The following CDT1 variants were observed in gnomAD, a reference collection of about 807,000 sequenced individuals.
The protein encoded by CDT1 is DNA replication factor Cdt1.
A neutral mutation model predicts 49.3 loss-of-function variants in CDT1; 66 were observed. That is an observed-to-expected ratio of 1.34 (90% CI 1.10 to 1.64). The LOEUF (loss-of-function observed/expected upper bound fraction) is 1.64, where lower values mean the gene tolerates loss of function less well. CDT1 is among the 40% of genes most tolerant of loss of function. The pLI, the probability that CDT1 is intolerant of heterozygous loss-of-function variation, is 0.00. For missense variants in CDT1, 958 were observed against 807.7 expected (o/e 1.19, Z -2.26); for synonymous variants, 424 against 347.4 (o/e 1.22, Z -2.45).
chr16:88,807,444 C>T lies in CDT1; in HGVS notation c.1439C>T (p.Ala480Val), dbSNP rs1475981587. The T allele has an allele frequency of 9.9e-6, 16 of 1,613,078 alleles. No homozygotes were observed. The highest frequency in any genetic ancestry group is 2.2e-5 in the East Asian group (1 of 44,896). Residue 480 changes from alanine (A) to valine (V), a missense_variant, in exon 9 of 10, where the codon GCC becomes GTC. Coordinates refer to ENST00000301019, the MANE Select transcript of CDT1 (RefSeq NM_030928.4). Reference sequence around the variant, plus strand: ...GCGCTCAGCATGGAGGTGGCCTGTGCCAGGATGGTGGGCAGCTGTTGTACT... The same window carrying T: ...GCGCTCAGCATGGAGGTGGCCTGTGTCAGGATGGTGGGCAGCTGTTGTACT... ...KPALSMEVACARMVGSCCTIM... is the reference protein window; with the variant it reads ...KPALSMEVACVRMVGSCCTIM...
rs1908954758 is a variant in CDT1 at position 88,808,392 on chromosome 16, G to C, written c.*114G>C. ...TGGCCTTCCTTTCCCCAGCGCCCCT[G>C]AGGGCCAGAGGCAGATGTGGGCTGC... On this transcript the variant is annotated 3_prime_UTR_variant, in exon 10 of 10. Transcript: ENST00000301019. 3.2e-6 allele frequency: 4 copies of C among 1,249,040 alleles called. No individual in the cohort carries two copies. The East Asian group carries it at 1.0e-4, about 32-fold the overall frequency. The allele number at this position is 1,249,040 out of a possible 1,614,324, so 77.4% of individuals were successfully genotyped here.
At position 88,805,743 on chromosome 16, in the gene CDT1, G is replaced by A. The variant is rs1190255475; in HGVS notation, c.706G>A (p.Val236Ile). The change falls in exon 5 of 10, where the codon GTT becomes ATT. Residue 236 changes from valine (V) to isoleucine (I), a missense_variant. Physicochemically the swap from Val to Ile is conservative, Grantham distance 29. Transcript: ENST00000301019. ...CCATAGGCGTTTTGAGGAGTGCAAT[G>A]TTGGCCAGATCAAAACCGTGTACCC... Reference protein sequence around the residue: ...MMRRRFEECNVGQIKTVYPAS... With the variant: ...MMRRRFEECNIGQIKTVYPAS... 6.8e-6 allele frequency: 11 copies of A among 1,612,936 alleles called. No individual in the cohort carries two copies. The highest frequency in any genetic ancestry group is 5.3e-5 in the African/African-American group (4 of 74,934).
In CDT1 at chr16:88,807,498, G is replaced by T; in HGVS notation, c.1477+16G>T. 1 of 1,609,938 alleles carries T rather than the reference G, an allele frequency of 6.2e-7. No homozygotes were observed. Among genetic ancestry groups the T allele is most frequent in the South Asian group, 1.1e-5 (1 of 90,880 alleles). Reference sequence around the variant, plus strand: ...ATGAGCCCTGGTACGTGCAGGGCGGGGTGAAGGGGCGTGCAGGGTGGAATT... The same window carrying T: ...ATGAGCCCTGGTACGTGCAGGGCGGTGTGAAGGGGCGTGCAGGGTGGAATT... On this transcript the variant is annotated intron_variant, in intron 9 of 9. Transcript: ENST00000301019.
rs530127120 is a variant in CDT1, at chr16:88,804,625, G to A, written c.309G>A (p.Pro103=). 5.0e-6 allele frequency: 8 copies of A among 1,612,676 alleles called. No homozygotes were observed. In the South Asian group the frequency reaches 5.5e-5, roughly 11 times the overall value. ...GCCAGAAGATAAAGAAATCCACCCC[G>A]GCAGCAGGTCAGCCGCCCCACCTGA... The part of the protein sequence containing the change: ...SPGQKIKKST[P]AAGQPPHLTS... Residue 103 remains proline (P), a synonymous_variant, in exon 2 of 10, where the codon CCG becomes CCA. Coordinates refer to ENST00000301019, the MANE Select transcript of CDT1 (RefSeq NM_030928.4).
rs199951660 is a variant in CDT1 at position 88,804,604 on chromosome 16, G to A, written c.288G>A (p.Gln96=). ...PDIPACPSPG[Q]KIKKSTPAAG... is the part of the protein sequence containing the mutation. ...TCCCAGCCTGCCCTTCTCCGGGCCAGAAGATAAAGAAATCCACCCCGGCAG... is the reference window on the plus strand; with the variant it reads ...TCCCAGCCTGCCCTTCTCCGGGCCAAAAGATAAAGAAATCCACCCCGGCAG... The change falls in exon 2 of 10, where the codon CAG becomes CAA. Residue 96 remains glutamine (Q), a synonymous_variant. Coordinates refer to ENST00000301019, the MANE Select transcript of CDT1 (RefSeq NM_030928.4). The A allele has an allele frequency of 1.7e-5, 27 of 1,612,982 alleles. No homozygotes were observed. Among genetic ancestry groups the A allele is most frequent in the Non-Finnish European group, 2.1e-5 (25 of 1,179,898 alleles).
At chr16:88,807,621 G>GCAA in intron 9 of CDT1, 139 bp downstream of exon 9, 1 of 882,168 alleles carries the variant, frequency 1.1e-6, no homozygotes, top group Non-Finnish European at 1.8e-6. Flanking sequence ...CTCTTGCACT[G>GCAA]GTGTGTCCTG....
rs963420131 is a variant in CDT1 at position 88,808,431 on chromosome 16, C to T, written c.*153C>T. 14 of 880,320 alleles carry T rather than the reference C, an allele frequency of 1.6e-5. No homozygotes were observed. Among genetic ancestry groups the T allele is most frequent in the South Asian group, 1.1e-4 (6 of 56,938 alleles). The allele number at this position is 880,320 out of a possible 1,614,324, so 54.5% of individuals were successfully genotyped here. ...GATGTGGGCTGCAGGCTGCACAGCC[C>T]GAGGGTCTCTGGCTGCGGGCGGTGG... On this transcript the variant is annotated 3_prime_UTR_variant, in exon 10 of 10. Transcript: ENST00000301019.
intron 6 of CDT1, 73 bp from the exon 7 acceptor site, chr16:88,806,413 C>T (rs1303070038): frequency 1.3e-6 from 2 of 1,537,836 alleles, no homozygotes; most frequent in Non-Finnish European, 1.8e-6. Flanking sequence ...GACGTAAGCA[C>T]AGGCCTACCT....
chr16:88,807,318 T>A lies in CDT1; in HGVS notation c.1313T>A (p.Met438Lys). The A allele has an allele frequency of 6.2e-7, 1 of 1,612,548 alleles. No individual in the cohort carries two copies. Among genetic ancestry groups the A allele is most frequent in the Middle Eastern group, 1.7e-4 (1 of 6,052 alleles). The change falls in exon 9 of 10, where the codon ATG becomes AAG. Residue 438 changes from methionine (M) to lysine (K), a missense_variant. Met to Lys is a moderately conservative substitution (Grantham distance 95). Transcript: ENST00000301019. ...GAGGCACAGAAGCAGCTGGCACAGATGACGCGGTGCCCGGAGCAGGAGCAG... is the reference window on the plus strand; with the variant it reads ...GAGGCACAGAAGCAGCTGGCACAGAAGACGCGGTGCCCGGAGCAGGAGCAG... ...AKEAQKQLAQ[M>K]TRCPEQEQRL...
At position 88,804,063 on chromosome 16, in the gene CDT1, A is replaced by G; in HGVS notation, c.228+4A>G. ...ACTGCGGCTGTCGGTGGACGAGGTG[A>G]GGGGCGTGGGGAGACTGAGGCCGGG... On this transcript the variant is annotated splice_donor_region_variant and intron_variant, in intron 1 of 9. Transcript: ENST00000301019. The G allele has an allele frequency of 7.0e-7, 1 of 1,437,240 alleles. No individual in the cohort carries two copies. The highest frequency in any genetic ancestry group is 9.1e-7 in the Non-Finnish European group (1 of 1,100,812). The allele number at this position is 1,437,240 out of a possible 1,614,324, so 89.0% of individuals were successfully genotyped here.
At chr16:88,805,918 G>C (rs2142943954) in intron 5 of CDT1, 49 bp downstream of exon 5, 1 of 1,605,070 alleles carries the variant, frequency 6.2e-7, no homozygotes, top group Non-Finnish European at 8.5e-7. Context: ...GAGCCGCACA[G>C]TTTCCAGGGT....
At position 88,807,144 on chromosome 16, in the gene CDT1, A is replaced by G; in HGVS notation, c.1216A>G (p.Thr406Ala). 1 of 1,598,048 alleles carries G rather than the reference A, an allele frequency of 6.3e-7. No homozygotes were observed. The change falls in exon 8 of 10, where the codon ACC becomes GCC. Residue 406 changes from threonine (T) to alanine (A), a missense_variant. Physicochemically the swap from Thr to Ala is moderately conservative, Grantham distance 58 (BLOSUM62 0). Transcript: ENST00000301019. ...RPALPATPPA[T>A]PPAASPSALK... ...AGCACTGCCGGCTACCCCACCAGCC[A>G]CCCCGCCTGCAGCCTCTCCCAGTGC... is the stretch of plus-strand genomic sequence containing the variant.
At position 88,804,544 on chromosome 16, in the gene CDT1, G is replaced by A. The variant is rs1274579574; in HGVS notation, c.229-1G>A. 1 of 1,612,036 alleles carries A rather than the reference G, an allele frequency of 6.2e-7. No homozygotes were observed. Among genetic ancestry groups the A allele is most frequent in the Admixed American group, 1.7e-5 (1 of 59,908 alleles). ...TTCACCCTTGGGGTCCCTCCCACCA[G>A]GTTTCCAGCCCCAGTACCCCCGAGG... On this transcript the variant is annotated splice_acceptor_variant, in intron 1 of 9. Coordinates refer to ENST00000301019, the MANE Select transcript of CDT1 (RefSeq NM_030928.4). LOFTEE classifies it high-confidence loss of function.
At chr16:88,804,921 C>T (rs1160409556) in intron 3 of CDT1, 23 bp downstream of exon 3, 2 of 1,537,592 alleles carry the variant, frequency 1.3e-6, no homozygotes, top group South Asian at 1.2e-5. Context: ...TGGGCGGCCA[C>T]GAGGCCCCGG....
rs979545032 is a variant in CDT1 at position 88,808,602 on chromosome 16, G to C, written c.*324G>C. The stretch of plus-strand genomic sequence containing the variant: ...TGTGGCTGGGGGTGAAGGGGGCTCT[G>C]TGGCAATATGGGGTTGGGTAGTGTG... On this transcript the variant is annotated 3_prime_UTR_variant, in exon 10 of 10. Transcript: ENST00000301019. 2 of 417,934 alleles carry C rather than the reference G, an allele frequency of 4.8e-6. No individual in the cohort carries two copies. The highest frequency in any genetic ancestry group is 8.7e-6 in the Non-Finnish European group (2 of 229,016). The allele number at this position is 417,934 out of a possible 1,614,324, so 25.9% of individuals were successfully genotyped here.
Position 88,804,566 on chromosome 16 carries a change from G to A in CDT1, c.250G>A (p.Glu84Lys). Residue 84 changes from glutamate to lysine, a missense_variant, in exon 2 of 10, where the codon GAG becomes AAG. Transcript: ENST00000301019. ...VDEVSSPSTP[E>K]APDIPACPSP... ...CCAGGTTTCCAGCCCCAGTACCCCC[G>A]AGGCCCCAGACATCCCAGCCTGCCC... 1.2e-6 allele frequency: 2 copies of A among 1,612,692 alleles called. No homozygotes were observed. Among genetic ancestry groups the A allele is most frequent in the South Asian group, 1.1e-5 (1 of 91,022 alleles).
At chr16:88,808,039 TC>T in intron 9 of CDT1, 75 bp from the exon 10 acceptor site, 4 of 1,527,066 alleles carry the variant, frequency 2.6e-6, no homozygotes, top group Non-Finnish European at 2.7e-6. Flanking sequence ...GGTTGGGTGG[TC>T]AGGCTGGTTT....
At position 88,807,038 on chromosome 16, in the gene CDT1, G is replaced by C; in HGVS notation, c.1123-13G>C. The C allele has an allele frequency of 6.2e-7, 1 of 1,612,804 alleles. No homozygotes were observed. Among genetic ancestry groups the C allele is most frequent in the Non-Finnish European group, 8.5e-7 (1 of 1,179,936 alleles). On this transcript the variant is annotated splice_polypyrimidine_tract_variant and intron_variant, in intron 7 of 9. Transcript: ENST00000301019. ...TCTTGTGACCTCTCCAGTCCAACCTGTCCCTCCCGCAGATGGAGAAGGCCT... is the reference window on the plus strand; with the variant it reads ...TCTTGTGACCTCTCCAGTCCAACCTCTCCCTCCCGCAGATGGAGAAGGCCT...
In CDT1 at chr16:88,805,612, C is replaced by T. The variant is rs764018742; in HGVS notation, c.661C>T (p.Arg221Trp). 24 of 1,612,586 alleles carry T rather than the reference C, an allele frequency of 1.5e-5. No individual in the cohort carries two copies. The highest frequency in any genetic ancestry group is 8.9e-5 in the East Asian group (4 of 44,882). The change falls in exon 4 of 10, where the codon CGG becomes TGG. Residue 221 changes from arginine to tryptophan, a missense_variant. Transcript: ENST00000301019. Reference protein sequence around the residue: ...SETPTFAKVQRGVQDMMRRRF... With the variant: ...SETPTFAKVQWGVQDMMRRRF... The stretch of plus-strand genomic sequence containing the variant: ...GACGCCCACCTTTGCCAAGGTCCAG[C>T]GGGGCGTCCAGGACATGATGCGTAG...
Sources: gnomAD v4.1 joint callset for allele counts on GRCh38, gnomAD v4.1.1 for gene constraint, MANE v1.5 for transcripts, NCBI Gene and HGNC (gene_info 2026-07-23, HGNC 2026-07-21) for gene names.